The following SLC66A2 variants were observed in gnomAD, a reference collection of about 807,000 sequenced individuals.
SLC66A2 encodes PQ loop repeat containing 1.
SLC66A2 carries 23 observed loss-of-function variants against 25.5 expected under a neutral mutation model. The ratio of observed to expected loss-of-function variants is 0.90; its 90% confidence interval spans 0.65 to 1.28. The LOEUF (loss-of-function observed/expected upper bound fraction) is 1.28, where lower values mean the gene tolerates loss of function less well. Among genes scored for constraint, SLC66A2 ranks in the 50% most tolerant of loss-of-function variants. The pLI is 0.00. For missense variants in SLC66A2, 396 were observed against 373.1 expected (o/e 1.06, Z -0.51); for synonymous variants, 193 against 166.5 (o/e 1.16, Z -1.23).
intron 2 of SLC66A2, among the ~76,000 whole-genome samples, chr18:79,948,227 T>C (rs1237669134): frequency 6.6e-6 from 1 of 152,166 alleles, no homozygotes; most frequent in Non-Finnish European, 1.5e-5. Flanking sequence ...AAGCAAGAAC[T>C]CCCAGTTCCA....
intron 5 of SLC66A2, chr18:79,915,780 G>C (rs143174240): frequency 1.3e-5 from 2 of 152,418 alleles, no homozygotes; most frequent in Non-Finnish European, 2.9e-5. Flanking sequence ...CTCAGAGGTA[G>C]AACACCTGCA....
chr18:79,948,409 C>G (rs2051005729), intron 2 of SLC66A2, among the ~76,000 whole-genome samples: 1 of 152,232 alleles, frequency 6.6e-6, no homozygotes, highest in African/African-American at 2.4e-5. Context: ...GACTGGAGGA[C>G]AGCTCACTGC....
At chr18:79,905,208 C>A (rs1192436214) in intron 5 of SLC66A2, among the ~76,000 whole-genome samples, 1 of 152,258 alleles carries the variant, frequency 6.6e-6, no homozygotes, top group East Asian at 1.9e-4. Flanking sequence ...CTGGGAAAAA[C>A]CAGGAGGCTT....
At chr18:79,910,049 C>T (rs67367653) in intron 5 of SLC66A2, among the ~76,000 whole-genome samples, 33,091 of 114,898 alleles carry the variant, frequency 0.29, 6,446 homozygotes, top group Middle Eastern at 0.42. Context: ...CCCACACCCT[C>T]GCCAGAGTCC....
At chr18:79,922,035 C>T (rs1326302976) in intron 4 of SLC66A2, among the ~76,000 whole-genome samples, 1 of 148,936 alleles carries the variant, frequency 6.7e-6, no homozygotes, top group Admixed American at 6.6e-5. Context: ...AGTAAGAGGT[C>T]AGGGTCGGTG....
intron 2 of SLC66A2, among the ~76,000 whole-genome samples, chr18:79,946,023 G>A (rs1032772339): frequency 3.3e-5 from 5 of 152,262 alleles, no homozygotes; most frequent in Non-Finnish European, 7.3e-5. Flanking sequence ...TGGCCACTCT[G>A]TGTGAAAGGC....
chr18:79,919,427 A>C (rs1378607916), intron 4 of SLC66A2, 27 bp from the exon 5 acceptor site: 1 of 1,581,472 alleles, frequency 6.3e-7, no homozygotes, highest in African/African-American at 1.3e-5. Context: ...AAGCAGCCTC[A>C]GCACAGCTTA....
At chr18:79,912,439 C>CA (rs1434279911) in intron 5 of SLC66A2, among the ~76,000 whole-genome samples, 1 of 152,174 alleles carries the variant, frequency 6.6e-6, no homozygotes, top group African/African-American at 2.4e-5. Flanking sequence ...CCTTCTGCAG[C>CA]ATGGATGAAC....
chr18:79,922,669 A>G (rs1392152725), intron 4 of SLC66A2, among the ~76,000 whole-genome samples: 2 of 152,016 alleles, frequency 1.3e-5, no homozygotes, highest in Admixed American at 1.3e-4. Flanking sequence ...ACATAGCGGC[A>G]GGGAAAAGGT....
chr18:79,923,900 G>A (rs1346139355), intron 4 of SLC66A2, among the ~76,000 whole-genome samples: 1 of 151,990 alleles, frequency 6.6e-6, no homozygotes, highest in Non-Finnish European at 1.5e-5. Flanking sequence ...AGCAGGGTGT[G>A]GTGGTGCGCA....
chr18:79,909,133 A>T (rs1982560084), intron 5 of SLC66A2, among the ~76,000 whole-genome samples: 1 of 152,228 alleles, frequency 6.6e-6, no homozygotes, highest in South Asian at 2.1e-4. Context: ...GCTACCAAGC[A>T]CTTCATGTGG....
chr18:79,918,747 A>T lies in SLC66A2; in HGVS notation c.608+437T>A, dbSNP rs1257728037. Among the ~76,000 whole-genome samples, 1 of 152,198 alleles carries T rather than the reference A, an allele frequency of 6.6e-6. No individual in the cohort carries two copies. The highest frequency in any genetic ancestry group is 1.9e-4 in the East Asian group (1 of 5,188). ...CCCAGCCTTCTACCACATACCTCAG[A>T]GGCCGGAGGCCGTGCTGGGGCCAGT... On this transcript the variant is annotated intron_variant, in intron 5 of 5. Transcript: ENST00000397778. This position sits in a 1 kb window ranked among gnomAD's most constrained non-coding sequence, Gnocchi z 4.0.
In SLC66A2 at chr18:79,951,021, G is replaced by C. The variant is rs1418039843; in HGVS notation, c.-95C>G. The C allele has an allele frequency of 3.7e-5, 34 of 924,602 alleles. No homozygotes were observed. The highest frequency in any genetic ancestry group is 7.1e-5 in the African/African-American group (4 of 56,716). The allele number at this position is 924,602 out of a possible 1,614,324, so 57.3% of individuals were successfully genotyped here. A position where few individuals can be genotyped will look rare whatever the true frequency, so the allele number is the denominator to read the frequency against. ...CCGCTCCGCGCGCTCCTGCGGCCTC[G>C]GGGCCTGCGGGGAGCGGGGAGCTGC... On this transcript the variant is annotated 5_prime_UTR_variant, in exon 2 of 6. Transcript: ENST00000397778.
chr18:79,934,310 T>C (rs945579902), intron 3 of SLC66A2, among the ~76,000 whole-genome samples: 4 of 152,176 alleles, frequency 2.6e-5, no homozygotes, highest in Non-Finnish European at 5.9e-5. Context: ...TTCCATTTAA[T>C]CTCTCGGGAG....
At chr18:79,921,833 GA>G (rs200135274) in intron 4 of SLC66A2, among the ~76,000 whole-genome samples, 452 of 16,344 alleles carry the variant, frequency 0.028, 3 homozygotes, top group Non-Finnish European at 0.14. Context: ...AGGGTCAGAG[GA>G]GGAGAGACAG....
At chr18:79,912,826 A>G (rs767007465) in intron 5 of SLC66A2, among the ~76,000 whole-genome samples, 8 of 152,240 alleles carry the variant, frequency 5.3e-5, no homozygotes, top group South Asian at 2.1e-4. Flanking sequence ...GCCTGCGTGC[A>G]CCGAGCTTGC....
intron 5 of SLC66A2, among the ~76,000 whole-genome samples, chr18:79,905,208 C>G (rs1192436214): frequency 6.6e-6 from 1 of 152,258 alleles, no homozygotes; most frequent in Non-Finnish European, 1.5e-5. Flanking sequence ...CTGGGAAAAA[C>G]CAGGAGGCTT....
At chr18:79,919,663 AC>A (rs542497951) in intron 4 of SLC66A2, among the ~76,000 whole-genome samples, 2 of 5,958 alleles carry the variant, frequency 3.4e-4, no homozygotes, top group African/African-American at 3.6e-4. Flanking sequence ...GTGGGGAGAG[AC>A]AGGAACCGAG....
chr18:79,905,107 AC>A, intron 5 of SLC66A2, among the ~76,000 whole-genome samples: 1 of 151,820 alleles, frequency 6.6e-6, no homozygotes, highest in East Asian at 1.9e-4. Context: ...CGGCATCTGC[AC>A]CCCCTCCTCT....
Sources: allele counts gnomAD v4.1 joint callset (sites outside exome capture counted in the v4.1 genomes callset), GRCh38; gene constraint gnomAD v4.1.1; non-coding constraint Gnocchi (gnomAD v3.1); transcripts MANE v1.5; gene names NCBI Gene and HGNC (gene_info 2026-07-23, HGNC 2026-07-21).